ZDHHC14: variants seen among roughly 807,000 people sequenced by gnomAD.
The protein encoded by ZDHHC14 is palmitoyltransferase ZDHHC14.
A neutral mutation model predicts 47.7 loss-of-function variants in ZDHHC14; 16 were observed. The observed-to-expected ratio is 0.34, with a 90% CI of 0.23 to 0.51. The LOEUF is 0.51. ZDHHC14 is among the 20% of genes least tolerant of loss of function. ZDHHC14 has a pLI of 0.97. For missense variants in ZDHHC14, 515 were observed against 662.5 expected, an observed-to-expected ratio of 0.78 and a Z score of 2.44; for synonymous variants, 293 against 278.9, an observed-to-expected ratio of 1.05 and a Z score of -0.50.
chr6:157,666,392 A>T (rs862364), intron 8 of ZDHHC14, among the ~76,000 whole-genome samples: 45,845 of 152,132 alleles, frequency 0.3, 7,581 homozygotes, highest in Non-Finnish European at 0.38. Flanking sequence ...TCTCCATGTA[A>T]TCTGAAAAAT....
intron 1 of ZDHHC14, among the ~76,000 whole-genome samples, chr6:157,394,607 C>T (rs1777485809): frequency 6.6e-6 from 1 of 152,210 alleles, no homozygotes; most frequent in African/African-American, 2.4e-5. Context: ...GACTCCCCCA[C>T]CTCCATGACC....
At chr6:157,387,714 C>T (rs1312690199) in intron 1 of ZDHHC14, among the ~76,000 whole-genome samples, 3 of 152,232 alleles carry the variant, frequency 2.0e-5, no homozygotes, top group African/African-American at 7.2e-5. Context: ...ACATGATCAA[C>T]ACATGTCAGT....
intron 1 of ZDHHC14, among the ~76,000 whole-genome samples, chr6:157,530,025 A>C (rs1376090267): frequency 1.3e-5 from 2 of 152,262 alleles, no homozygotes; most frequent in African/African-American, 4.8e-5. Context: ...TGTAGACATT[A>C]TATGAAATGT....
chr6:157,654,982 G>A (rs1391128678), intron 8 of ZDHHC14, among the ~76,000 whole-genome samples: 1 of 152,098 alleles, frequency 6.6e-6, no homozygotes, highest in Non-Finnish European at 1.5e-5. Flanking sequence ...TGATCCACCT[G>A]CCTCGGCCTC....
chr6:157,527,285 C>T (rs1781192248), intron 1 of ZDHHC14, among the ~76,000 whole-genome samples: 1 of 152,180 alleles, frequency 6.6e-6, no homozygotes, highest in South Asian at 2.1e-4. Flanking sequence ...TCCAGGAGCT[C>T]CCCAGCTCCT....
intron 1 of ZDHHC14, among the ~76,000 whole-genome samples, chr6:157,542,180 T>G (rs1198718862): frequency 1.3e-5 from 2 of 152,214 alleles, no homozygotes; most frequent in African/African-American, 4.8e-5. Flanking sequence ...CATTCTAAAT[T>G]GGTGTCTTCT....
At chr6:157,573,827 A>C (rs1783192496) in intron 2 of ZDHHC14, among the ~76,000 whole-genome samples, 1 of 152,098 alleles carries the variant, frequency 6.6e-6, no homozygotes, top group Admixed American at 6.5e-5. Context: ...AAGCCCCAGG[A>C]TGTCCCTGCC....
At chr6:157,416,175 T>A (rs571528998) in intron 1 of ZDHHC14, among the ~76,000 whole-genome samples, 1 of 152,306 alleles carries the variant, frequency 6.6e-6, no homozygotes, top group East Asian at 1.9e-4. Context: ...CTTTTAAAAT[T>A]TATTTTACTT....
chr6:157,482,730 T>G (rs1562443096), intron 1 of ZDHHC14, among the ~76,000 whole-genome samples: 2 of 151,580 alleles, frequency 1.3e-5, no homozygotes, highest in Admixed American at 6.6e-5. Flanking sequence ...CGAATGGTTT[T>G]AGAATGTCAA....
intron 2 of ZDHHC14, among the ~76,000 whole-genome samples, chr6:157,567,202 G>T (rs957006232): frequency 6.6e-6 from 1 of 152,070 alleles, no homozygotes; most frequent in South Asian, 2.1e-4. Flanking sequence ...ACCAGGGATG[G>T]TTCCCAAAAC....
intron 2 of ZDHHC14, among the ~76,000 whole-genome samples, chr6:157,575,050 G>C (rs1207075021): frequency 6.6e-6 from 1 of 152,216 alleles, no homozygotes; most frequent in Non-Finnish European, 1.5e-5. Flanking sequence ...TGCAGGGCAG[G>C]CCAGCAGGCT....
intron 2 of ZDHHC14, among the ~76,000 whole-genome samples, chr6:157,556,256 G>A (rs1355916112): frequency 1.3e-5 from 2 of 151,916 alleles, no homozygotes; most frequent in African/African-American, 4.8e-5. Context: ...CAGGGGTGGG[G>A]GGTGGAGGGT....
At chr6:157,404,669 G>T (rs947247777) in intron 1 of ZDHHC14, among the ~76,000 whole-genome samples, 2 of 152,156 alleles carry the variant, frequency 1.3e-5, no homozygotes, top group African/African-American at 2.4e-5. Flanking sequence ...AAAGTCCCTG[G>T]GGCAGGTGGC....
At chr6:157,649,264 C>T (rs994780253) in intron 7 of ZDHHC14, among the ~76,000 whole-genome samples, 1 of 152,214 alleles carries the variant, frequency 6.6e-6, no homozygotes, top group Admixed American at 6.5e-5. Flanking sequence ...CGGTGTGGGG[C>T]AGCACTGAAG....
intron 2 of ZDHHC14, 193 bp from the exon 3 acceptor site, chr6:157,592,795 G>T (rs1562496341): frequency 7.8e-6 from 11 of 1,407,284 alleles, no homozygotes; most frequent in Non-Finnish European, 9.3e-6. Flanking sequence ...GCCCCTGCAC[G>T]TGTGCAACGA....
intron 4 of ZDHHC14, 86 bp from the exon 5 acceptor site, chr6:157,632,748 C>T (rs1785799745): frequency 1.7e-6 from 2 of 1,208,394 alleles, no homozygotes; most frequent in Admixed American, 1.7e-5. Context: ...GATCTTTAGC[C>T]ATCTATTATT....
intron 1 of ZDHHC14, among the ~76,000 whole-genome samples, chr6:157,443,619 T>C (rs1583649088): frequency 6.6e-6 from 1 of 152,220 alleles, no homozygotes; most frequent in East Asian, 1.9e-4. Context: ...GTGAAACCAA[T>C]CTATGTGGTG....
At chr6:157,606,407 A>T (rs1784541648) in intron 3 of ZDHHC14, among the ~76,000 whole-genome samples, 1 of 152,202 alleles carries the variant, frequency 6.6e-6, no homozygotes, top group Non-Finnish European at 1.5e-5. Flanking sequence ...TGGAGGTTAC[A>T]GTGAGCAGAG....
intron 5 of ZDHHC14, among the ~76,000 whole-genome samples, chr6:157,638,670 C>G (rs1166794862): frequency 6.6e-6 from 1 of 152,220 alleles, no homozygotes; most frequent in Non-Finnish European, 1.5e-5. Context: ...AGGATGACAG[C>G]GGGGAGACAC....
Sources: allele counts gnomAD v4.1 joint callset (sites outside exome capture counted in the v4.1 genomes callset), GRCh38; gene constraint gnomAD v4.1.1; transcripts MANE v1.5; gene names NCBI Gene and HGNC (gene_info 2026-07-23, HGNC 2026-07-21).